Variants in VIPAS39 observed in about 807,000 individuals in gnomAD.
VIPAS39 encodes spermatogenesis-defective protein 39 homolog.
Under a neutral mutation model 84.7 loss-of-function variants are expected in VIPAS39, and 63 were observed. The ratio of observed to expected loss-of-function variants is 0.74; its 90% CI spans 0.61 to 0.92. VIPAS39 has a LOEUF of 0.92. VIPAS39 is among the 40% of genes least tolerant of loss of function. The probability of loss-of-function intolerance (pLI) is 0.00; values close to 1 mark genes in which losing one functional copy is unlikely to be tolerated. For synonymous variants in VIPAS39, 192 were observed against 216.5 expected, an observed-to-expected ratio of 0.89 and a Z score of 0.99; for missense variants, 499 against 604.5, an observed-to-expected ratio of 0.83 and a Z score of 1.83.
At position 77,434,274 on chromosome 14, in the gene VIPAS39, C is replaced by G. The variant is rs772051008; in HGVS notation, c.1077G>C (p.Lys359Asn). The change falls in exon 15 of 20, where the codon AAG becomes AAC. Residue 359 changes from lysine (K) to asparagine (N), a missense_variant. Coordinates refer to ENST00000557658, the MANE Select transcript of VIPAS39 (RefSeq NM_001193315.2). ...EGTFSSPVNL[K>N]KTFKIPDKQY... Reference sequence around the variant, plus strand: ...AATTTGTATCTACCTTAAATGTCTTCTTCAGGTTGACGGGACTGCTGAATG... The same window carrying G: ...AATTTGTATCTACCTTAAATGTCTTGTTCAGGTTGACGGGACTGCTGAATG... 1 of 1,614,142 alleles carries G rather than the reference C, an allele frequency of 6.2e-7. No homozygotes were observed. The highest frequency in any genetic ancestry group is 1.1e-5 in the South Asian group (1 of 91,086).
At chr14:77,427,781 G>T in intron 19 of VIPAS39, 145 bp from the exon 20 acceptor site, 3 of 1,051,462 alleles carry the variant, frequency 2.9e-6, no homozygotes, top group Non-Finnish European at 2.9e-6. Context: ...GGGGGATGTT[G>T]AGAAATTTTT....
intron 12 of VIPAS39, among the ~76,000 whole-genome samples, chr14:77,437,410 A>G (rs2078629831): frequency 6.6e-6 from 1 of 152,190 alleles, no homozygotes; most frequent in African/African-American, 2.4e-5. Flanking sequence ...AAGGACCAGT[A>G]ACACTGAAAA....
intron 16 of VIPAS39, 24 bp from the exon 17 acceptor site, chr14:77,429,791 G>A (rs140434184): frequency 6.5e-5 from 104 of 1,601,360 alleles, no homozygotes; most frequent in African/African-American, 3.2e-4. Flanking sequence ...ATGGGGTAGC[G>A]GCAGGTAGGC....
intron 6 of VIPAS39, among the ~76,000 whole-genome samples, chr14:77,448,921 G>A (rs985961945): frequency 1.1e-4 from 17 of 152,174 alleles, no homozygotes; most frequent in Admixed American, 4.6e-4. Context: ...TTCCTTTTCC[G>A]ACCTTAGGAT....
At position 77,437,788 on chromosome 14, in the gene VIPAS39, C is replaced by A. The variant is rs758240065; in HGVS notation, c.836+20G>T. 2.8e-5 allele frequency: 45 copies of A among 1,611,258 alleles called. No homozygotes were observed. The highest frequency in any genetic ancestry group is 3.4e-5 in the Non-Finnish European group (40 of 1,177,584). On this transcript the variant is annotated intron_variant, in intron 12 of 19. Transcript: ENST00000557658. ...GGGTAAAGGTATTTATACTTAAAAT[C>A]ATTTTTCCCCCATACTTACCCAACA...
intron 10 of VIPAS39, among the ~76,000 whole-genome samples, chr14:77,441,752 A>G (rs1025492146): frequency 1.3e-5 from 2 of 152,126 alleles, no homozygotes; most frequent in African/African-American, 4.8e-5. Context: ...TGGGGAGCTC[A>G]TTGCTGTGCT....
chr14:77,453,192 T>C, intron 3 of VIPAS39, 107 bp downstream of exon 3: 1 of 1,144,230 alleles, frequency 8.7e-7, no homozygotes, highest in Admixed American at 1.7e-5. Flanking sequence ...AAAATAGTCT[T>C]ATCCTAGTCC....
In VIPAS39 at chr14:77,429,565, G is replaced by A. The variant is rs1029386070; in HGVS notation, c.1266+116C>T. The A allele has an allele frequency of 1.1e-5, 12 of 1,064,130 alleles. No individual in the cohort carries two copies. The African/African-American group carries it at 1.6e-4, about 14-fold the overall frequency. The allele number at this position is 1,064,130 out of a possible 1,614,324, so 65.9% of individuals were successfully genotyped here. A position where few individuals can be genotyped will look rare whatever the true frequency, so the allele number is the denominator to read the frequency against. The stretch of plus-strand genomic sequence containing the variant: ...TGTCTTGAGGCCTATTGCAGCCATT[G>A]TGCTGCCTTTAAGGGAAAACAAGAG... On this transcript the variant is annotated intron_variant, in intron 17 of 19. Transcript: ENST00000557658.
intron 11 of VIPAS39, 65 bp from the exon 12 acceptor site, chr14:77,437,946 A>G: frequency 6.6e-7 from 1 of 1,518,046 alleles, no homozygotes; most frequent in Non-Finnish European, 9.1e-7. Flanking sequence ...TAGCTGATTA[A>G]CTGAACTTCC....
chr14:77,434,423 T>C (rs193250575), intron 14 of VIPAS39, 120 bp from the exon 15 acceptor site: 129 of 938,554 alleles, frequency 1.4e-4, no homozygotes, highest in African/African-American at 1.3e-3. Flanking sequence ...CATTTAAACA[T>C]AGAAATTAAT....
chr14:77,449,765 A>T lies in VIPAS39; in HGVS notation c.344-13T>A. Reference sequence around the variant, plus strand: ...GGTCTAGTTCTACCTAAAGGTAAAGAACACAAGAGGGAAAAGGTCAACAGT... The same window carrying T: ...GGTCTAGTTCTACCTAAAGGTAAAGTACACAAGAGGGAAAAGGTCAACAGT... On this transcript the variant is annotated splice_polypyrimidine_tract_variant and intron_variant, in intron 4 of 19. Transcript: ENST00000557658. 1 of 1,614,172 alleles carries T rather than the reference A, an allele frequency of 6.2e-7. No homozygotes were observed. The highest frequency in any genetic ancestry group is 8.5e-7 in the Non-Finnish European group (1 of 1,180,018).
intron 16 of VIPAS39, 115 bp from the exon 17 acceptor site, chr14:77,429,882 A>G (rs1339660903): frequency 9.0e-6 from 8 of 886,080 alleles, no homozygotes; most frequent in Non-Finnish European, 1.5e-5. Flanking sequence ...GGGGGTGCTG[A>G]GGGATACAGA....
In VIPAS39 at chr14:77,454,019, C is replaced by T; in HGVS notation, c.84G>A (p.Glu28=). 6.2e-7 allele frequency: 1 copy of T among 1,614,134 alleles called. No homozygotes were observed. Among genetic ancestry groups the T allele is most frequent in the Non-Finnish European group, 8.5e-7 (1 of 1,180,006 alleles). Residue 28 remains glutamate (E), a synonymous_variant, in exon 2 of 20, where the codon GAG becomes GAA. Transcript: ENST00000557658. ...KAFTFDDEDD[E]LSQLKESKRA... Reference sequence around the variant, plus strand: ...TCAGCAGTTGACCTACCTGTGAAAGCTCATCGTCTTCATCGTCAAAGGTAA... The same window carrying T: ...TCAGCAGTTGACCTACCTGTGAAAGTTCATCGTCTTCATCGTCAAAGGTAA...
At chr14:77,427,768 G>T in intron 19 of VIPAS39, 132 bp from the exon 20 acceptor site, 1 of 1,204,908 alleles carries the variant, frequency 8.3e-7, no homozygotes, top group Non-Finnish European at 1.2e-6. Flanking sequence ...CAGATCAGGA[G>T]GTGGGGGATG....
rs544693945 is a variant in VIPAS39 at position 77,435,255 on chromosome 14, G to A, written c.1047+4C>T. 12 of 1,613,972 alleles carry A rather than the reference G, an allele frequency of 7.4e-6. No homozygotes were observed. Among genetic ancestry groups the A allele is most frequent in the Admixed American group, 3.3e-5 (2 of 59,982 alleles). ...TTGTGGAATCTTCCATATTTTGCCTGTACCTCAGCCTCTGTGTAGTGATAG... is the reference window on the plus strand; with the variant it reads ...TTGTGGAATCTTCCATATTTTGCCTATACCTCAGCCTCTGTGTAGTGATAG... On this transcript the variant is annotated splice_donor_region_variant and intron_variant, in intron 14 of 19. Coordinates refer to ENST00000557658, the MANE Select transcript of VIPAS39 (RefSeq NM_001193315.2).
At position 77,457,495 on chromosome 14, in the gene VIPAS39, C is replaced by G; in HGVS notation, c.-1G>C. ...CCCAAGGGGCTTGGGACACCCTCAC[C>G]TCTTCCGCACAGAGCCCTCCCTCTC... is the stretch of plus-strand genomic sequence containing the variant. On this transcript the variant is annotated splice_region_variant and 5_prime_UTR_variant, in exon 1 of 20. Transcript: ENST00000557658. The G allele has an allele frequency of 1.8e-6, 2 of 1,142,840 alleles. No homozygotes were observed. Among genetic ancestry groups the G allele is most frequent in the East Asian group, 2.6e-5 (1 of 38,910 alleles). 70.8% of individuals were successfully genotyped at this position (1,142,840 alleles called of 1,614,324 possible).
chr14:77,430,689 C>T (rs1482137540), intron 16 of VIPAS39, among the ~76,000 whole-genome samples: 9 of 144,820 alleles, frequency 6.2e-5, no homozygotes, highest in African/African-American at 2.3e-4. Context: ...TGCACTCCAG[C>T]CTGGGTGACA....
At chr14:77,438,160 C>T (rs1454345014) in intron 11 of VIPAS39, among the ~76,000 whole-genome samples, 2 of 152,116 alleles carry the variant, frequency 1.3e-5, no homozygotes, top group East Asian at 3.9e-4. Flanking sequence ...ACACTAACCA[C>T]TTTTAAAGAA....
At chr14:77,441,214 A>G in intron 10 of VIPAS39, 121 bp from the exon 11 acceptor site, 2 of 1,070,224 alleles carry the variant, frequency 1.9e-6, no homozygotes, top group Non-Finnish European at 2.8e-6. Context: ...CTCTATACAC[A>G]AGATAAATGG....
Sources: allele counts gnomAD v4.1 joint callset (sites outside exome capture counted in the v4.1 genomes callset), GRCh38; gene constraint gnomAD v4.1.1; transcripts MANE v1.5; gene names NCBI Gene and HGNC (gene_info 2026-07-23, HGNC 2026-07-21).